CDH18: variants seen among roughly 807,000 people sequenced by gnomAD.
CDH18 encodes the protein cadherin-18.
A neutral mutation model predicts 67.9 loss-of-function variants in CDH18; 31 were observed. The observed-to-expected ratio is 0.46, with a 90% CI of 0.34 to 0.62. CDH18 has a LOEUF of 0.62. CDH18 is among the 20% of genes least tolerant of loss of function. CDH18 has a pLI of 0.01. For missense variants in CDH18, 890 were observed against 975.5 expected (o/e 0.91, Z 1.17); for synonymous variants, 362 against 347.2 (o/e 1.04, Z -0.48).
At chr5:19,730,546 C>A (rs956500338) in intron 4 of CDH18, among the ~76,000 whole-genome samples, 14 of 152,058 alleles carry the variant, frequency 9.2e-5, no homozygotes, top group African/African-American at 3.4e-4. Context: ...ATACGAAATT[C>A]ATTTAAATTT....
At chr5:19,740,538 A>G (rs906965177) in intron 4 of CDH18, among the ~76,000 whole-genome samples, 1 of 152,176 alleles carries the variant, frequency 6.6e-6, no homozygotes, top group African/African-American at 2.4e-5. Context: ...TAAAAGAGAT[A>G]CGATACACAC....
chr5:19,521,768 T>A (rs2126909390), intron 9 of CDH18, among the ~76,000 whole-genome samples: 1 of 152,084 alleles, frequency 6.6e-6, no homozygotes, highest in Admixed American at 6.6e-5. Flanking sequence ...AGAAAATAAA[T>A]TTTTCAGTAA....
At chr5:19,695,229 A>G (rs1046410031) in intron 5 of CDH18, among the ~76,000 whole-genome samples, 6 of 152,180 alleles carry the variant, frequency 3.9e-5, no homozygotes, top group African/African-American at 1.4e-4. Flanking sequence ...GGATACACTC[A>G]TATTTTTTTC....
At chr5:19,643,743 T>G (rs2150234782) in intron 5 of CDH18, among the ~76,000 whole-genome samples, 1 of 152,226 alleles carries the variant, frequency 6.6e-6, no homozygotes, top group East Asian at 1.9e-4. Context: ...GCAAAATAAA[T>G]TAGTTCTGGA....
rs914009588 is a variant in CDH18 at position 19,535,313 on chromosome 5, C to T, written c.1390+8556G>A. 4.6e-5 allele frequency among the ~76,000 whole-genome samples: 7 copies of T among 152,168 alleles called. 1 individual carries two copies. In the East Asian group the frequency reaches 9.7e-4, roughly 21 times the overall value. On this transcript the variant is annotated intron_variant, in intron 9 of 12. Transcript: ENST00000382275. Reference sequence around the variant, plus strand: ...ATTTCTTTCTGTGCTATTCCCTTCGCGAGCTAAGTAAAAGTGCTAATTAGG... The same window carrying T: ...ATTTCTTTCTGTGCTATTCCCTTCGTGAGCTAAGTAAAAGTGCTAATTAGG...
chr5:20,409,432 A>G (rs981763032), intron 1 of CDH18, among the ~76,000 whole-genome samples: 3 of 151,824 alleles, frequency 2.0e-5, no homozygotes, highest in Non-Finnish European at 3.0e-5. Context: ...AGGTCAAAAA[A>G]GAGATGATAA....
At chr5:20,131,600 T>C (rs1749270661) in intron 2 of CDH18, among the ~76,000 whole-genome samples, 1 of 152,168 alleles carries the variant, frequency 6.6e-6, no homozygotes, top group South Asian at 2.1e-4. Flanking sequence ...TGTGTGTCTG[T>C]ATGAATCCTC....
intron 3 of CDH18, among the ~76,000 whole-genome samples, chr5:19,757,096 A>T (rs1406448620): frequency 6.6e-6 from 1 of 152,222 alleles, no homozygotes; most frequent in Non-Finnish European, 1.5e-5. Flanking sequence ...TTCCATGAGG[A>T]TAAGCCCACT....
intron 1 of CDH18, among the ~76,000 whole-genome samples, chr5:20,325,333 G>C (rs1436531708): frequency 1.3e-5 from 2 of 152,116 alleles, no homozygotes; most frequent in African/African-American, 4.8e-5. Context: ...TTAGGTATCT[G>C]CCTTTCCTAG....
chr5:19,977,048 G>C (rs970696790), intron 2 of CDH18, among the ~76,000 whole-genome samples: 6 of 152,096 alleles, frequency 3.9e-5, no homozygotes, highest in African/African-American at 1.4e-4. Context: ...TGGATATATA[G>C]TTTGTAGATA....
intron 1 of CDH18, among the ~76,000 whole-genome samples, chr5:20,542,571 C>A (rs1422814288): frequency 6.6e-6 from 1 of 151,442 alleles, no homozygotes; most frequent in East Asian, 1.9e-4. Flanking sequence ...TACACACATG[C>A]TAAAAAGAAT....
At chr5:20,479,603 G>C (rs1335335167) in intron 1 of CDH18, among the ~76,000 whole-genome samples, 1 of 151,986 alleles carries the variant, frequency 6.6e-6, no homozygotes, top group Non-Finnish European at 1.5e-5. Context: ...AAAGAATGAA[G>C]CATGACTACA....
chr5:20,126,755 T>A (rs1748862789), intron 2 of CDH18, among the ~76,000 whole-genome samples: 1 of 151,994 alleles, frequency 6.6e-6, no homozygotes, highest in Non-Finnish European at 1.5e-5. Flanking sequence ...AAAATCAAAA[T>A]TACAATGAAG....
intron 1 of CDH18, among the ~76,000 whole-genome samples, chr5:20,558,043 A>G (rs1159647955): frequency 6.8e-6 from 1 of 147,818 alleles, no homozygotes; most frequent in African/African-American, 2.6e-5. Context: ...ATATAACATT[A>G]ATTGTTATAT....
chr5:20,200,876 G>T (rs887865156), intron 2 of CDH18, among the ~76,000 whole-genome samples: 4 of 151,868 alleles, frequency 2.6e-5, no homozygotes, highest in Non-Finnish European at 5.9e-5. Context: ...AATTGAAAAA[G>T]AAATTACTAA....
chr5:20,060,193 G>A (rs1185013846), intron 2 of CDH18, among the ~76,000 whole-genome samples: 2 of 152,060 alleles, frequency 1.3e-5, no homozygotes, highest in Admixed American at 6.6e-5. Flanking sequence ...GGCGGAGCGT[G>A]GTGACTCATG....
At chr5:20,229,467 T>C (rs993769879) in intron 2 of CDH18, among the ~76,000 whole-genome samples, 1 of 152,092 alleles carries the variant, frequency 6.6e-6, no homozygotes, top group Non-Finnish European at 1.5e-5. Context: ...TCAGAGATTA[T>C]TTCAGCTAGA....
At chr5:20,451,389 A>G (rs1750439888) in intron 1 of CDH18, among the ~76,000 whole-genome samples, 1 of 152,196 alleles carries the variant, frequency 6.6e-6, no homozygotes, top group Admixed American at 6.5e-5. Context: ...AAGAGCACAG[A>G]GTCCTTCTTA....
At chr5:20,047,023 AAG>A in intron 2 of CDH18, among the ~76,000 whole-genome samples, 1 of 152,000 alleles carries the variant, frequency 6.6e-6, no homozygotes, top group Non-Finnish European at 1.5e-5. Flanking sequence ...AACAAAAAGA[AAG>A]AAACACGAGA....
Sources: allele counts gnomAD v4.1 joint callset (sites outside exome capture counted in the v4.1 genomes callset), GRCh38; gene constraint gnomAD v4.1.1; transcripts MANE v1.5; gene names NCBI Gene and HGNC (gene_info 2026-07-23, HGNC 2026-07-21).